The following LRP1B variants were observed in gnomAD, a reference collection of about 807,000 sequenced individuals.
LRP1B encodes low-density lipoprotein receptor-related protein 1B.
A neutral mutation model predicts 556.6 loss-of-function variants in LRP1B; 217 were observed. That is an observed-to-expected ratio of 0.39 (90% confidence interval 0.35 to 0.44). The LOEUF (loss-of-function observed/expected upper bound fraction) is 0.44, where lower values mean the gene tolerates loss of function less well. LRP1B is among the 20% of genes least tolerant of loss of function. LRP1B has a pLI of 1.00. For missense variants in LRP1B, 5,053 were observed against 5,620.8 expected (o/e 0.90, Z 3.23); for synonymous variants, 2,047 against 1,865.8 (o/e 1.10, Z -2.50).
intron 31 of LRP1B, among the ~76,000 whole-genome samples, chr2:140,826,221 G>A (rs150291846): frequency 2.2e-4 from 33 of 152,184 alleles, no homozygotes; most frequent in Admixed American, 7.2e-4. Context: ...TATACATCAG[G>A]TCCTTGAATA....
chr2:141,766,309 C>A (rs1694731499), intron 2 of LRP1B, among the ~76,000 whole-genome samples: 1 of 152,178 alleles, frequency 6.6e-6, no homozygotes, highest in Non-Finnish European at 1.5e-5. Flanking sequence ...AAAAACGTGT[C>A]ATCTGTGTGT....
intron 20 of LRP1B, among the ~76,000 whole-genome samples, chr2:140,943,413 C>G (rs1057080766): frequency 3.6e-4 from 54 of 151,954 alleles, no homozygotes; most frequent in African/African-American, 1.3e-3. Flanking sequence ...ATGCAGCACT[C>G]AACCCATTAG....
intron 87 of LRP1B, among the ~76,000 whole-genome samples, chr2:140,240,132 GAGA>G (rs765422795): frequency 2.0e-5 from 3 of 150,882 alleles, no homozygotes; most frequent in Non-Finnish European, 4.5e-5. Flanking sequence ...GTAAAACACA[GAGA>G]AGAAGACTTA....
chr2:142,104,465 A>T (rs1480302571), intron 1 of LRP1B, among the ~76,000 whole-genome samples: 1 of 152,158 alleles, frequency 6.6e-6, no homozygotes, highest in Non-Finnish European at 1.5e-5. Context: ...TTTAGCAAAG[A>T]TTGGCCTGAA....
At chr2:141,326,190 T>C (rs1310728912) in intron 3 of LRP1B, among the ~76,000 whole-genome samples, 2 of 152,114 alleles carry the variant, frequency 1.3e-5, no homozygotes, top group African/African-American at 4.8e-5. Flanking sequence ...AAGTAAGACA[T>C]GTGCTTGTCA....
intron 2 of LRP1B, among the ~76,000 whole-genome samples, chr2:141,614,684 C>A (rs1228956638): frequency 6.6e-6 from 1 of 151,904 alleles, no homozygotes; most frequent in Non-Finnish European, 1.5e-5. Flanking sequence ...GAAGGAATGC[C>A]AAAGATTGTT....
chr2:140,789,618 CTTTTTTTTTTT>C (rs756120273), intron 32 of LRP1B, among the ~76,000 whole-genome samples: 19 of 71,770 alleles, frequency 2.6e-4, no homozygotes, highest in African/African-American at 8.5e-4. Context: ...GCTTTAAGGA[CTTTTTTTTTTT>C]TTTTTTTTTT....
intron 3 of LRP1B, among the ~76,000 whole-genome samples, chr2:141,273,627 T>C (rs1685172416): frequency 6.6e-6 from 1 of 152,118 alleles, no homozygotes. Flanking sequence ...AGAAAACTCT[T>C]AGAAGAAAAA....
intron 41 of LRP1B, among the ~76,000 whole-genome samples, chr2:140,690,374 T>A (rs1267799943): frequency 7.0e-6 from 1 of 143,478 alleles, no homozygotes; most frequent in Non-Finnish European, 1.6e-5. Flanking sequence ...GGGTCTTTAC[T>A]TCAGGTCTTT....
chr2:141,061,219 T>C (rs191516715), intron 8 of LRP1B, among the ~76,000 whole-genome samples: 3 of 151,818 alleles, frequency 2.0e-5, no homozygotes. Flanking sequence ...TGCATCTCTT[T>C]ATCTGTCAAG....
chr2:140,635,164 T>C (rs1684028379), intron 41 of LRP1B, among the ~76,000 whole-genome samples: 1 of 152,118 alleles, frequency 6.6e-6, no homozygotes, highest in African/African-American at 2.4e-5. Flanking sequence ...TTTGAGACTA[T>C]AAGCTACTTC....
chr2:141,118,646 C>T (rs1188805207), intron 7 of LRP1B, among the ~76,000 whole-genome samples: 2 of 151,862 alleles, frequency 1.3e-5, no homozygotes, highest in African/African-American at 4.8e-5. Flanking sequence ...ATATCAAATG[C>T]ACACTCTGGA....
At position 140,601,706 on chromosome 2, in the gene LRP1B, A is replaced by G. The variant is rs904181342; in HGVS notation, c.6800-67T>C. On this transcript the variant is annotated intron_variant, in intron 41 of 90. Transcript: ENST00000389484. ...CAAAAAAATGACTTCTGGACAGAAAAAGCATTTAAGACATACATGTATACC... is the reference window on the plus strand; with the variant it reads ...CAAAAAAATGACTTCTGGACAGAAAGAGCATTTAAGACATACATGTATACC... 3.5e-6 allele frequency: 4 copies of G among 1,139,678 alleles called. No individual in the cohort carries two copies. In the African/African-American group the frequency reaches 6.2e-5, roughly 18 times the overall value. 70.6% of individuals were successfully genotyped at this position (1,139,678 alleles called of 1,614,324 possible).
intron 86 of LRP1B, among the ~76,000 whole-genome samples, chr2:140,265,343 G>T (rs777980723): frequency 6.6e-6 from 1 of 151,922 alleles, no homozygotes; most frequent in East Asian, 1.9e-4. Context: ...ATGTAAAAAT[G>T]TCCCCCAAAT....
At chr2:140,705,537 A>C (rs1486524318) in intron 37 of LRP1B, among the ~76,000 whole-genome samples, 23 of 32,322 alleles carry the variant, frequency 7.1e-4, no homozygotes, top group African/African-American at 1.4e-3. Flanking sequence ...AAAAAAAAAA[A>C]AAAAAAAAAA....
At chr2:141,141,730 A>C (rs1447400987) in intron 7 of LRP1B, among the ~76,000 whole-genome samples, 1 of 152,182 alleles carries the variant, frequency 6.6e-6, no homozygotes, top group African/African-American at 2.4e-5. Context: ...AAAGAGAGAA[A>C]ATGAAACAGT....
chr2:140,768,045 T>C (rs1407488092), intron 35 of LRP1B, among the ~76,000 whole-genome samples: 1 of 151,940 alleles, frequency 6.6e-6, no homozygotes, highest in Non-Finnish European at 1.5e-5. Flanking sequence ...AAAACCACAC[T>C]GAGATTTTGG....
chr2:141,082,175 G>A (rs1699939641), intron 7 of LRP1B, among the ~76,000 whole-genome samples: 1 of 152,142 alleles, frequency 6.6e-6, no homozygotes, highest in Non-Finnish European at 1.5e-5. Flanking sequence ...ATAGCACACT[G>A]AGAATCTCCA....
chr2:141,452,223 A>G (rs78166900), intron 3 of LRP1B, among the ~76,000 whole-genome samples: 2,516 of 152,174 alleles, frequency 0.017, 27 homozygotes, highest in Non-Finnish European at 0.026. Flanking sequence ...ATCACTGGGT[A>G]GGTCTCCAAA....
Sources: gnomAD v4.1 joint callset for allele counts (sites outside exome capture counted in the v4.1 genomes callset) on GRCh38, gnomAD v4.1.1 for gene constraint, MANE v1.5 for transcripts, NCBI Gene and HGNC (gene_info 2026-07-23, HGNC 2026-07-21) for gene names.